GAB2: variants seen among roughly 807,000 people sequenced by gnomAD.
The protein encoded by GAB2 is GRB2-associated-binding protein 2.
Under a neutral mutation model 65.5 loss-of-function variants are expected in GAB2, and 26 were observed. The observed-to-expected ratio is 0.40, with a 90% CI of 0.29 to 0.55. The LOEUF (loss-of-function observed/expected upper bound fraction) is 0.55, where lower values mean the gene tolerates loss of function less well. Among genes scored for constraint, GAB2 ranks in the 20% least tolerant of loss-of-function variants. GAB2 has a pLI of 0.53. For missense variants in GAB2, 884 were observed against 875.8 expected, an observed-to-expected ratio of 1.01 and a Z score of -0.12; for synonymous variants, 321 against 329.6, an observed-to-expected ratio of 0.97 and a Z score of 0.28.
intron 1 of GAB2, among the ~76,000 whole-genome samples, chr11:78,407,675 A>ATGGC (rs1565188246): frequency 4.4e-4 from 65 of 147,724 alleles, no homozygotes; most frequent in African/African-American, 1.5e-3. Context: ...GAAAGAAAGA[A>ATGGC]AGAAAGAAAG....
At chr11:78,309,926 A>ATGTG (rs60718900) in intron 1 of GAB2, among the ~76,000 whole-genome samples, 1,943 of 135,628 alleles carry the variant, frequency 0.014, 23 homozygotes, top group East Asian at 0.033. Flanking sequence ...AGGGTTAGAA[A>ATGTG]TGTGTGTGTG....
chr11:78,351,248 A>C (rs916215556), intron 1 of GAB2, among the ~76,000 whole-genome samples: 1 of 150,108 alleles, frequency 6.7e-6, no homozygotes, highest in Non-Finnish European at 1.5e-5. Context: ...TCATTTACCC[A>C]GTGGCCTTTT....
At chr11:78,281,626 G>A (rs1866338501) in intron 1 of GAB2, among the ~76,000 whole-genome samples, 1 of 152,180 alleles carries the variant, frequency 6.6e-6, no homozygotes, top group East Asian at 1.9e-4. Flanking sequence ...CACATGACCT[G>A]TCCCCTTTTC....
chr11:78,271,416 A>G (rs1866006133), intron 2 of GAB2, among the ~76,000 whole-genome samples: 1 of 152,268 alleles, frequency 6.6e-6, no homozygotes, highest in Non-Finnish European at 1.5e-5. Flanking sequence ...CTTCTAGAAC[A>G]TCATTCCTGG....
At chr11:78,280,049 T>C (rs905737012) in intron 2 of GAB2, among the ~76,000 whole-genome samples, 2 of 152,232 alleles carry the variant, frequency 1.3e-5, no homozygotes, top group African/African-American at 4.8e-5. Context: ...AGCTACTCTT[T>C]TGTGAAGATT....
At chr11:78,321,434 T>C (rs750569504) in intron 1 of GAB2, among the ~76,000 whole-genome samples, 14 of 152,192 alleles carry the variant, frequency 9.2e-5, no homozygotes, top group Admixed American at 2.0e-4. Context: ...TACTATAGAT[T>C]TTAAGTTCCT....
At chr11:78,328,831 G>A (rs1171001316) in intron 1 of GAB2, among the ~76,000 whole-genome samples, 2 of 151,940 alleles carry the variant, frequency 1.3e-5, no homozygotes, top group Non-Finnish European at 2.9e-5. Flanking sequence ...TGGAACGATG[G>A]TAATGTTTTA....
chr11:78,254,510 T>C (rs1039497944), intron 2 of GAB2, among the ~76,000 whole-genome samples: 4 of 152,172 alleles, frequency 2.6e-5, no homozygotes, highest in Admixed American at 6.5e-5. Flanking sequence ...TCTAATGATC[T>C]ATAGCTTAGC....
At chr11:78,307,213 C>T (rs556937106) in intron 1 of GAB2, among the ~76,000 whole-genome samples, 1 of 152,070 alleles carries the variant, frequency 6.6e-6, no homozygotes, top group Non-Finnish European at 1.5e-5. Flanking sequence ...ACACTACAAC[C>T]TCTACAACCT....
intron 1 of GAB2, among the ~76,000 whole-genome samples, chr11:78,323,113 A>C (rs1160419726): frequency 6.6e-6 from 1 of 152,234 alleles, no homozygotes; most frequent in East Asian, 1.9e-4. Context: ...TATAGTACAT[A>C]TACACCATGG....
chr11:78,253,463 T>A (rs1400215300), intron 2 of GAB2, among the ~76,000 whole-genome samples: 3 of 152,136 alleles, frequency 2.0e-5, no homozygotes, highest in Non-Finnish European at 2.9e-5. Flanking sequence ...GGCCAATTTT[T>A]AAATTTTTTT....
chr11:78,227,026 T>C lies in GAB2; in HGVS notation c.646A>G (p.Arg216Gly). 6.2e-7 allele frequency: 1 copy of C among 1,612,134 alleles called. No homozygotes were observed. The highest frequency in any genetic ancestry group is 1.1e-5 in the South Asian group (1 of 91,068). ...TCACTCCTCATGAGAAAAGAGGCTCTGGTGCCCTGAGAGAAGCTGGCACTC... is the reference window on the plus strand; with the variant it reads ...TCACTCCTCATGAGAAAAGAGGCTCCGGTGCCCTGAGAGAAGCTGGCACTC... ...ARSASFSQGT[R>G]ASFLMRSDTA... The change falls in exon 4 of 10, where the codon AGA becomes GGA. Residue 216 changes from arginine (R) to glycine (G), a missense_variant. Arg to Gly is a moderately radical substitution (Grantham distance 125). Coordinates refer to ENST00000361507, the MANE Select transcript of GAB2 (RefSeq NM_080491.3).
intron 1 of GAB2, among the ~76,000 whole-genome samples, chr11:78,379,545 C>G (rs959784244): frequency 1.3e-5 from 2 of 152,224 alleles, no homozygotes; most frequent in Non-Finnish European, 2.9e-5. Context: ...TAACAGTGAG[C>G]AAATGGGTCC....
intron 2 of GAB2, among the ~76,000 whole-genome samples, chr11:78,260,493 T>C (rs1256542050): frequency 6.7e-6 from 1 of 149,998 alleles, no homozygotes; most frequent in Middle Eastern, 3.4e-3. Flanking sequence ...TTTTTTTGAA[T>C]GGAGTCTTGC....
chr11:78,397,826 T>C (rs940988898), intron 1 of GAB2, among the ~76,000 whole-genome samples: 1 of 152,180 alleles, frequency 6.6e-6, no homozygotes, highest in African/African-American at 2.4e-5. Flanking sequence ...TACTATCTGT[T>C]AATGACAGTA....
At chr11:78,280,206 G>A (rs188584601) in intron 2 of GAB2, among the ~76,000 whole-genome samples, 42 of 152,256 alleles carry the variant, frequency 2.8e-4, no homozygotes, top group Non-Finnish European at 4.9e-4. Flanking sequence ...GCCTGAAATG[G>A]GCTAGGACAG....
At position 78,417,738 on chromosome 11, in the gene GAB2, C is replaced by A. The variant is rs1292764114; in HGVS notation, c.-18G>T. The A allele has an allele frequency of 8.0e-7, 1 of 1,252,132 alleles. No homozygotes were observed. The highest frequency in any genetic ancestry group is 1.0e-6 in the Non-Finnish European group (1 of 974,228). The allele number at this position is 1,252,132 out of a possible 1,614,324, so 77.6% of individuals were successfully genotyped here. A position where few individuals can be genotyped will look rare whatever the true frequency, so the allele number is the denominator to read the frequency against. On this transcript the variant is annotated 5_prime_UTR_variant, in exon 1 of 10. Transcript: ENST00000361507. ...CCGCTCATGCTGCCGGCCTGGAGCC[C>A]CCCGCCGGGTCGCGCGGACGAGGGC... is the stretch of plus-strand genomic sequence containing the variant.
intron 6 of GAB2, among the ~76,000 whole-genome samples, chr11:78,222,984 C>T (rs972751407): frequency 2.0e-5 from 3 of 152,162 alleles, no homozygotes; most frequent in Non-Finnish European, 2.9e-5. Flanking sequence ...AAGGTAGATG[C>T]CATAAGGGCT....
rs372693456 is a variant in GAB2, at chr11:78,233,040, G to GTTTTTTTTTTTT, written c.621-6001_621-5990dup. Among the ~76,000 whole-genome samples the GTTTTTTTTTTTT allele has an allele frequency of 5.3e-3, 703 of 131,828 alleles. 42 individuals are homozygous for GTTTTTTTTTTTT. The highest frequency in any genetic ancestry group is 0.02 in the African/African-American group (658 of 33,144). The allele number at this position is 131,828 out of a possible 152,430, so 86.5% of individuals were successfully genotyped here. ...ACTTACCAATACCTGGCACTGTTAA[G>GTTTTTTTTTTTT]TTTTTTTTTTTTTTTTGGTGACAAG... is the stretch of plus-strand genomic sequence containing the variant. On this transcript the variant is annotated intron_variant, in intron 3 of 9. Coordinates refer to ENST00000361507, the MANE Select transcript of GAB2 (RefSeq NM_080491.3).
Sources: gnomAD v4.1 joint callset for allele counts (sites outside exome capture counted in the v4.1 genomes callset) on GRCh38, gnomAD v4.1.1 for gene constraint, MANE v1.5 for transcripts, NCBI Gene and HGNC (gene_info 2026-07-23, HGNC 2026-07-21) for gene names.